Variants in STXBP5L observed in about 807,000 individuals in gnomAD.
The protein encoded by STXBP5L is syntaxin-binding protein 5-like.
STXBP5L carries 65 observed loss-of-function variants against 144.5 expected under a neutral mutation model. That is an observed-to-expected ratio of 0.45 (90% confidence interval 0.37 to 0.55). The LOEUF (loss-of-function observed/expected upper bound fraction) is 0.55, where lower values mean the gene tolerates loss of function less well. Among genes scored for constraint, STXBP5L ranks in the 20% least tolerant of loss-of-function variants. The pLI, the probability that STXBP5L is intolerant of heterozygous loss-of-function variation, is 0.00. For synonymous variants in STXBP5L, 505 were observed against 469.6 expected, an observed-to-expected ratio of 1.08 and a Z score of -0.97; for missense variants, 1,298 against 1,405.5, an observed-to-expected ratio of 0.92 and a Z score of 1.22.
intron 5 of STXBP5L, among the ~76,000 whole-genome samples, chr3:121,090,598 A>G (rs898934441): frequency 6.6e-6 from 1 of 152,114 alleles, no homozygotes; most frequent in Non-Finnish European, 1.5e-5. Context: ...TATGATTAAA[A>G]TATTTTAAAG....
At chr3:120,913,478 C>T (rs1008037786) in intron 2 of STXBP5L, among the ~76,000 whole-genome samples, 16 of 151,780 alleles carry the variant, frequency 1.1e-4, no homozygotes, top group Non-Finnish European at 2.4e-4. Flanking sequence ...CATGATTGGT[C>T]GATTAATTGA....
chr3:121,040,661 G>A (rs143355599), intron 3 of STXBP5L, among the ~76,000 whole-genome samples: 23 of 151,862 alleles, frequency 1.5e-4, no homozygotes, highest in Non-Finnish European at 3.2e-4. Flanking sequence ...GTTGTCCCTG[G>A]CCTCCCTAGA....
At chr3:121,235,273 C>T (rs2049440008) in intron 12 of STXBP5L, among the ~76,000 whole-genome samples, 1 of 152,032 alleles carries the variant, frequency 6.6e-6, no homozygotes, top group South Asian at 2.1e-4. Flanking sequence ...CTCAGCTATA[C>T]TGAATGTTAA....
At chr3:121,301,103 T>A (rs541602186) in intron 19 of STXBP5L, among the ~76,000 whole-genome samples, 2 of 152,328 alleles carry the variant, frequency 1.3e-5, no homozygotes, top group South Asian at 2.1e-4. Flanking sequence ...GGTAGCCTGA[T>A]GGGGATGGCA....
chr3:121,031,771 T>A (rs192744786), intron 3 of STXBP5L, among the ~76,000 whole-genome samples: 2 of 151,704 alleles, frequency 1.3e-5, no homozygotes, highest in Admixed American at 1.3e-4. Flanking sequence ...AGTTAAGGAG[T>A]TGCAATGTGA....
chr3:121,205,970 C>A lies in STXBP5L; in HGVS notation c.925C>A (p.Leu309Ile). 1.3e-6 allele frequency: 2 copies of A among 1,516,104 alleles called. No individual in the cohort carries two copies. Among genetic ancestry groups the A allele is most frequent in the East Asian group, 5.1e-5 (2 of 39,370 alleles). 93.9% of individuals were successfully genotyped at this position (1,516,104 alleles called of 1,614,324 possible). A position where few individuals can be genotyped will look rare whatever the true frequency, so the allele number is the denominator to read the frequency against. The change falls in exon 10 of 27, where the codon CTT (leucine) becomes ATT (isoleucine). Residue 309 changes from leucine to isoleucine, a missense_variant. By Grantham distance (5) the Leu-to-Ile change is conservative. Coordinates refer to ENST00000471454, the MANE Select transcript of STXBP5L (RefSeq NM_001308330.2). ...GRKSESCKPI[L>I]KVEYKTCKNS... ...AAAATCTGAATCTTGTAAACCAATT[C>A]TTAAAGTAGAATACAAGACCTGCAA...
At chr3:120,993,651 T>G (rs1034952178) in intron 3 of STXBP5L, among the ~76,000 whole-genome samples, 2 of 152,114 alleles carry the variant, frequency 1.3e-5, no homozygotes, top group Admixed American at 6.6e-5. Flanking sequence ...TTCTGTTCCA[T>G]TGGTCTACAT....
At chr3:120,989,802 C>T (rs890370834) in intron 3 of STXBP5L, among the ~76,000 whole-genome samples, 1 of 151,960 alleles carries the variant, frequency 6.6e-6, no homozygotes, top group Non-Finnish European at 1.5e-5. Flanking sequence ...AGTAATTTTT[C>T]TCTCTAAAAT....
intron 20 of STXBP5L, among the ~76,000 whole-genome samples, chr3:121,359,972 A>G (rs1421317906): frequency 1.9e-5 from 1 of 53,874 alleles, no homozygotes; most frequent in Non-Finnish European, 4.5e-5. Context: ...TTATACATAT[A>G]TAATATAATA....
chr3:121,014,918 T>A (rs1337474797), intron 3 of STXBP5L, among the ~76,000 whole-genome samples: 1 of 152,034 alleles, frequency 6.6e-6, no homozygotes, highest in Non-Finnish European at 1.5e-5. Context: ...AACTTTAATA[T>A]TGATAAAAAT....
chr3:121,164,519 A>G (rs2046433854), intron 9 of STXBP5L, among the ~76,000 whole-genome samples: 1 of 152,120 alleles, frequency 6.6e-6, no homozygotes, highest in Admixed American at 6.5e-5. Context: ...TAAGATAGAA[A>G]CCCAGCAGTT....
At chr3:120,960,644 C>G (rs1938663271) in intron 3 of STXBP5L, among the ~76,000 whole-genome samples, 1 of 151,764 alleles carries the variant, frequency 6.6e-6, no homozygotes, top group South Asian at 2.1e-4. Context: ...TCATTCTCAG[C>G]AAACTATGGC....
intron 3 of STXBP5L, among the ~76,000 whole-genome samples, chr3:121,004,879 C>T (rs148258130): frequency 6.6e-6 from 1 of 152,128 alleles, no homozygotes; most frequent in Non-Finnish European, 1.5e-5. Context: ...GTTGAACCAG[C>T]CTTGCATCCC....
intron 3 of STXBP5L, among the ~76,000 whole-genome samples, chr3:120,967,009 A>G (rs1240512910): frequency 2.6e-5 from 4 of 151,940 alleles, no homozygotes; most frequent in Non-Finnish European, 5.9e-5. Context: ...GCAATGGTGG[A>G]CGCCCTTCCC....
intron 19 of STXBP5L, among the ~76,000 whole-genome samples, chr3:121,293,727 G>A (rs1245470175): frequency 6.6e-6 from 1 of 152,218 alleles, no homozygotes. Flanking sequence ...CGGGTGTATT[G>A]GTGGGTGCCT....
At chr3:121,100,090 A>C (rs1272352031) in intron 5 of STXBP5L, among the ~76,000 whole-genome samples, 1 of 152,184 alleles carries the variant, frequency 6.6e-6, no homozygotes, top group African/African-American at 2.4e-5. Context: ...GAGCACCCAG[A>C]TTTATAAAAC....
chr3:121,342,038 G>C (rs1428521431), intron 20 of STXBP5L, among the ~76,000 whole-genome samples: 1 of 151,920 alleles, frequency 6.6e-6, no homozygotes, highest in East Asian at 1.9e-4. Flanking sequence ...TGATGTGATA[G>C]ATATCACATT....
chr3:121,345,329 G>C (rs1315749289), intron 20 of STXBP5L, among the ~76,000 whole-genome samples: 1 of 152,080 alleles, frequency 6.6e-6, no homozygotes, highest in Non-Finnish European at 1.5e-5. Context: ...TCCCTGCAAA[G>C]GACATGAACT....
At chr3:121,124,386 CTT>C (rs1436938249) in intron 7 of STXBP5L, among the ~76,000 whole-genome samples, 1 of 151,882 alleles carries the variant, frequency 6.6e-6, no homozygotes, top group Non-Finnish European at 1.5e-5. Context: ...GAGTGTATAA[CTT>C]ATAGAAAATT....
Sources: allele counts gnomAD v4.1 joint callset (sites outside exome capture counted in the v4.1 genomes callset), GRCh38; gene constraint gnomAD v4.1.1; transcripts MANE v1.5; gene names NCBI Gene and HGNC (gene_info 2026-07-23, HGNC 2026-07-21).